CTNS: variants seen among roughly 807,000 people sequenced by gnomAD.
The protein encoded by CTNS is cystinosin, lysosomal cystine transporter.
CTNS carries 27 observed loss-of-function variants against 43.7 expected under a neutral mutation model. The observed-to-expected ratio is 0.62, with a 90% confidence interval of 0.46 to 0.85. CTNS has a LOEUF of 0.85. CTNS is among the 40% of genes least tolerant of loss of function. The pLI is 0.00. For missense variants in CTNS, 457 were observed against 475.4 expected (o/e 0.96, Z 0.36); for synonymous variants, 187 against 190.6 (o/e 0.98, Z 0.16).
chr17:3,636,496 G>A (rs970697822), upstream of CTNS: 151 of 419,388 alleles, frequency 3.6e-4, no homozygotes, highest in African/African-American at 3.0e-3. Flanking sequence ...GGCGGTCTGA[G>A]CTTCGCTCAC....
intron 5 of CTNS, among the ~76,000 whole-genome samples, chr17:3,651,122 T>C (rs1160278241): frequency 7.8e-6 from 1 of 127,824 alleles, no homozygotes; most frequent in Admixed American, 7.9e-5. Context: ...TGAGACAGAG[T>C]CTCACTTTGT....
chr17:3,646,322 G>A (rs2075843037), intron 3 of CTNS, among the ~76,000 whole-genome samples: 1 of 141,190 alleles, frequency 7.1e-6, no homozygotes, highest in Non-Finnish European at 1.5e-5. Context: ...ATGGAGTCTC[G>A]CTCTGTTGCC....
intron 3 of CTNS, among the ~76,000 whole-genome samples, chr17:3,645,532 G>A (rs1012331144): frequency 1.3e-5 from 2 of 152,070 alleles, no homozygotes; most frequent in African/African-American, 2.4e-5. Context: ...GGAGTATTGA[G>A]GCGGAGAATC....
intron 4 of CTNS, 151 bp from the exon 5 acceptor site, chr17:3,648,696 G>A (rs930015839): frequency 8.2e-6 from 6 of 729,460 alleles, no homozygotes; most frequent in South Asian, 4.3e-5. Context: ...ACGGGAGCAC[G>A]ATTTCCACCT....
chr17:3,653,024 C>T (rs999004304), intron 5 of CTNS, among the ~76,000 whole-genome samples: 33 of 152,344 alleles, frequency 2.2e-4, no homozygotes, highest in Admixed American at 1.2e-3. Context: ...ACTCAGGAGG[C>T]TGAGGCGGGA....
Position 3,663,046 on chromosome 17 carries a change from T to A in CTNS, c.*2677T>A. On this transcript the variant is annotated 3_prime_UTR_variant, in exon 12 of 12. Coordinates refer to ENST00000046640, the MANE Select transcript of CTNS (RefSeq NM_004937.3). Reference sequence around the variant, plus strand: ...AAGTAGAATGGGCATCTCCAAAGAGTACGATAAAAACATTTTGTATCAAAC... The same window carrying A: ...AAGTAGAATGGGCATCTCCAAAGAGAACGATAAAAACATTTTGTATCAAAC... 1 of 151,820 alleles carries A rather than the reference T, an allele frequency of 6.6e-6. No homozygotes were observed. The allele number at this position is 151,820 out of a possible 1,614,324, so 9.4% of individuals were successfully genotyped here.
chr17:3,659,824 G>A (rs755823861), intron 10 of CTNS, 34 bp from the exon 11 acceptor site: 59 of 1,545,210 alleles, frequency 3.8e-5, no homozygotes, highest in Middle Eastern at 1.7e-4. Context: ...AGCCCTCACC[G>A]CCCTCCGTCT....
intron 3 of CTNS, among the ~76,000 whole-genome samples, chr17:3,642,134 T>G (rs2075733267): frequency 1.4e-5 from 1 of 73,538 alleles, no homozygotes; most frequent in Non-Finnish European, 3.0e-5. Context: ...CATGTATGTG[T>G]GCCCGGGCGT....
In CTNS at chr17:3,659,911, G is replaced by C; in HGVS notation, c.906G>C (p.Val302=). 1 of 1,614,010 alleles carries C rather than the reference G, an allele frequency of 6.2e-7. No homozygotes were observed. Among genetic ancestry groups the C allele is most frequent in the Non-Finnish European group, 8.5e-7 (1 of 1,180,030 alleles). ...KSTEGWSIGN[V]LLDFTGGSFS... ...CTGAGGGCTGGAGCATTGGCAACGTGCTCCTGGACTTCACCGGGGGCAGCT... is the reference window on the plus strand; with the variant it reads ...CTGAGGGCTGGAGCATTGGCAACGTCCTCCTGGACTTCACCGGGGGCAGCT... The change falls in exon 11 of 12, where the codon GTG becomes GTC. Residue 302 remains valine (V), a synonymous_variant. Coordinates refer to ENST00000046640, the MANE Select transcript of CTNS (RefSeq NM_004937.3).
chr17:3,655,473 C>G lies in CTNS; in HGVS notation c.461+121C>G, dbSNP rs891330163. The G allele has an allele frequency of 8.8e-6, 13 of 1,470,274 alleles. No individual in the cohort carries two copies. The African/African-American group carries it at 1.2e-4, about 14-fold the overall frequency. The allele number at this position is 1,470,274 out of a possible 1,614,324, so 91.1% of individuals were successfully genotyped here. On this transcript the variant is annotated intron_variant, in intron 7 of 11. Transcript: ENST00000046640. ...CTACCCTTCTGTCTGCCTACCCTTT[C>G]CAGAAAGTTGTCCCAGTGCGAAGGC...
chr17:3,638,929 C>G (rs772573209), intron 2 of CTNS, among the ~76,000 whole-genome samples: 2 of 152,098 alleles, frequency 1.3e-5, no homozygotes, highest in Non-Finnish European at 2.9e-5. Flanking sequence ...CATTCCCGGC[C>G]GGTGAGAAGG....
intron 2 of CTNS, among the ~76,000 whole-genome samples, chr17:3,639,555 C>G (rs2075629691): frequency 6.6e-6 from 1 of 151,802 alleles, no homozygotes; most frequent in African/African-American, 2.4e-5. Context: ...GTAATCCCAG[C>G]TACTCAGGAG....
chr17:3,653,953 A>G (rs2076056956), intron 5 of CTNS, among the ~76,000 whole-genome samples: 2 of 152,162 alleles, frequency 1.3e-5, no homozygotes, highest in Admixed American at 6.5e-5. Context: ...CTTTCCTTGA[A>G]GCAGAGCATT....
In CTNS at chr17:3,660,787, A is replaced by AG. The variant is rs2076264791; in HGVS notation, c.*419dup. 6.8e-6 allele frequency: 11 copies of AG among 1,611,552 alleles called. No homozygotes were observed. In the South Asian group the frequency reaches 1.1e-4, roughly 16 times the overall value. ...TTTGCTGCCACCGCTGCATTCCCAGAGATCAAGCAGCCCGGTGCCGTGGCC... is the reference window on the plus strand; with the variant it reads ...TTTGCTGCCACCGCTGCATTCCCAGAGGATCAAGCAGCCCGGTGCCGTGGCC... On this transcript the variant is annotated 3_prime_UTR_variant, in exon 12 of 12. Coordinates refer to ENST00000046640, the MANE Select transcript of CTNS (RefSeq NM_004937.3).
rs901156837 is a variant in CTNS at position 3,648,749 on chromosome 17, A to T, written c.141-98A>T. 11 of 1,034,710 alleles carry T rather than the reference A, an allele frequency of 1.1e-5. No homozygotes were observed. The Admixed American group carries it at 1.9e-4, about 18-fold the overall frequency. 64.1% of individuals were successfully genotyped at this position (1,034,710 alleles called of 1,614,324 possible). ...GAGCACCTAGCATTTCCTAAGCCTA[A>T]CTGCTTGAGAGTTGAAGGCCAGATG... On this transcript the variant is annotated intron_variant, in intron 4 of 11. Transcript: ENST00000046640.
At chr17:3,646,198 G>A (rs1340163918) in intron 3 of CTNS, among the ~76,000 whole-genome samples, 1 of 152,176 alleles carries the variant, frequency 6.6e-6, no homozygotes, top group African/African-American at 2.4e-5. Context: ...CAGAGGCTGG[G>A]ACGGGGCTGC....
chr17:3,658,195 C>T lies in CTNS; in HGVS notation c.852+20C>T. 6.2e-7 allele frequency: 1 copy of T among 1,611,624 alleles called. No homozygotes were observed. The highest frequency in any genetic ancestry group is 2.2e-5 in the East Asian group (1 of 44,878). Reference sequence around the variant, plus strand: ...CCACAGGTACCTCCAGGGCCCTGTTCACATGGCCGGTGGCAGGAGAGGTGA... The same window carrying T: ...CCACAGGTACCTCCAGGGCCCTGTTTACATGGCCGGTGGCAGGAGAGGTGA... On this transcript the variant is annotated intron_variant, in intron 10 of 11. Transcript: ENST00000046640.
intron 10 of CTNS, 72 bp downstream of exon 10, chr17:3,658,247 G>C: frequency 6.3e-7 from 1 of 1,578,186 alleles, no homozygotes; most frequent in Non-Finnish European, 8.6e-7. Context: ...GCCCTGCTCC[G>C]GTGGGGCAGC....
intron 2 of CTNS, among the ~76,000 whole-genome samples, chr17:3,638,421 A>G (rs914061417): frequency 1.3e-5 from 2 of 151,994 alleles, no homozygotes. Flanking sequence ...TATTTTTAGT[A>G]GAGACGGGGA....
Sources: allele counts gnomAD v4.1 joint callset (sites outside exome capture counted in the v4.1 genomes callset), GRCh38; gene constraint gnomAD v4.1.1; transcripts MANE v1.5; gene names NCBI Gene and HGNC (gene_info 2026-07-23, HGNC 2026-07-21).